Variants in PPP5C observed in about 807,000 individuals in gnomAD.
PPP5C encodes the protein protein phosphatase 5 catalytic subunit.
In PPP5C, 21 loss-of-function variants were observed where a neutral mutation model predicts 66.7. That is an observed-to-expected ratio of 0.31 (90% CI 0.22 to 0.45). PPP5C has a LOEUF of 0.45. PPP5C is among the 20% of genes least tolerant of loss of function. PPP5C has a pLI of 1.00. For synonymous variants in PPP5C, 246 were observed against 257.4 expected (o/e 0.96, Z 0.43); for missense variants, 464 against 675.9 (o/e 0.69, Z 3.48).
chr19:46,389,640 G>A (rs1262635401), intron 11 of PPP5C, among the ~76,000 whole-genome samples: 1 of 151,978 alleles, frequency 6.6e-6, no homozygotes, highest in Non-Finnish European at 1.5e-5. Context: ...TTGAAGAATA[G>A]GTTGCTGCCT....
In PPP5C at chr19:46,390,764, T is replaced by C. The variant is rs1378338226; in HGVS notation, c.*418T>C. The C allele has an allele frequency of 1.2e-5, 14 of 1,132,660 alleles. No homozygotes were observed. Among genetic ancestry groups the C allele is most frequent in the Non-Finnish European group, 1.5e-5 (14 of 912,880 alleles). The allele number at this position is 1,132,660 out of a possible 1,614,324, so 70.2% of individuals were successfully genotyped here. A position where few individuals can be genotyped will look rare whatever the true frequency, so the allele number is the denominator to read the frequency against. On this transcript the variant is annotated 3_prime_UTR_variant, in exon 13 of 13. Coordinates refer to ENST00000012443, the MANE Select transcript of PPP5C (RefSeq NM_006247.4). ...CTGCGCCTCCCCTCCTATAGCCCCA[T>C]GGTGGGGCTAGGCTGGGGCTCACCC...
In PPP5C at chr19:46,387,071, CTT is replaced by C; in HGVS notation, c.905-21_905-20del. ...GATGTACCTGGAGGCTGAGCTTTCT[CTT>C]CTGTCCCCGTGTTGGCCAGGCAACC... On this transcript the variant is annotated intron_variant, in intron 7 of 12. Coordinates refer to ENST00000012443, the MANE Select transcript of PPP5C (RefSeq NM_006247.4). 1 of 1,614,158 alleles carries C rather than the reference CTT, an allele frequency of 6.2e-7. No individual in the cohort carries two copies. The highest frequency in any genetic ancestry group is 1.1e-5 in the South Asian group (1 of 91,044).
At chr19:46,381,929 G>C (rs988835932) in intron 4 of PPP5C, 3 of 152,138 alleles carry the variant, frequency 2.0e-5, no homozygotes, top group Non-Finnish European at 1.5e-5. Context: ...TGGGATCTTA[G>C]CCCTGGCAGA....
chr19:46,390,152 C>A lies in PPP5C; in HGVS notation c.1437+20C>A. ...GCAGTGGTGAGTCACCCCTCAGGGCCCCTGCCCCTTCCATCCCGGCCTGGG... is the reference window on the plus strand; with the variant it reads ...GCAGTGGTGAGTCACCCCTCAGGGCACCTGCCCCTTCCATCCCGGCCTGGG... On this transcript the variant is annotated intron_variant, in intron 12 of 12. Transcript: ENST00000012443. 1 of 1,613,112 alleles carries A rather than the reference C, an allele frequency of 6.2e-7. No individual in the cohort carries two copies. Among genetic ancestry groups the A allele is most frequent in the Non-Finnish European group, 8.5e-7 (1 of 1,179,046 alleles).
intron 7 of PPP5C, chr19:46,386,763 C>G (rs1972895490): frequency 2.9e-6 from 1 of 350,382 alleles, no homozygotes; most frequent in Non-Finnish European, 5.5e-6. Context: ...TAGGCACGCA[C>G]CACCATGCCC....
chr19:46,386,632 C>G (rs1013075970), intron 7 of PPP5C: 1 of 173,080 alleles, frequency 5.8e-6, no homozygotes, highest in African/African-American at 2.4e-5. Flanking sequence ...GGTTTTGAGA[C>G]GGTCTTGCTT....
intron 4 of PPP5C, among the ~76,000 whole-genome samples, chr19:46,378,153 C>T (rs923948071): frequency 6.6e-5 from 10 of 152,168 alleles, no homozygotes; most frequent in African/African-American, 1.9e-4. Context: ...AATTTCCTTC[C>T]AGGCAGTAAG....
chr19:46,372,932 T>C (rs1048252103), intron 2 of PPP5C, among the ~76,000 whole-genome samples: 1 of 152,254 alleles, frequency 6.6e-6, no homozygotes, highest in Non-Finnish European at 1.5e-5. Context: ...GCATCTTCAC[T>C]GTCCCAGCTA....
At chr19:46,384,764 C>CGGCGGG in intron 6 of PPP5C, 40 bp from the exon 7 acceptor site, 1 of 1,192,370 alleles carries the variant, frequency 8.4e-7, no homozygotes, top group Non-Finnish European at 1.3e-6. Context: ...GCACCGCACC[C>CGGCGGG]TTCCCCTCCA....
At chr19:46,360,596 G>A (rs529474696) in intron 2 of PPP5C, among the ~76,000 whole-genome samples, 1 of 152,052 alleles carries the variant, frequency 6.6e-6, no homozygotes, top group African/African-American at 2.4e-5. Context: ...GGCCTCCTGG[G>A]CTCAATTGAT....
intron 4 of PPP5C, among the ~76,000 whole-genome samples, chr19:46,377,072 A>G (rs966905085): frequency 3.0e-4 from 46 of 152,174 alleles, no homozygotes; most frequent in African/African-American, 9.9e-4. Context: ...TCAGGGCTAC[A>G]GGGACCTTAC....
intron 4 of PPP5C, chr19:46,382,447 C>T (rs77239096): frequency 0.078 from 11,868 of 152,270 alleles, 588 homozygotes; most frequent in South Asian, 0.15. Flanking sequence ...TACCTTCTGA[C>T]TAGAAGTGGA....
intron 4 of PPP5C, among the ~76,000 whole-genome samples, chr19:46,380,210 CT>C (rs1322887904): frequency 6.6e-6 from 1 of 151,992 alleles, no homozygotes; most frequent in Non-Finnish European, 1.5e-5. Context: ...ATCCCAGCTG[CT>C]CGAGAGGCTG....
At chr19:46,362,882 G>C (rs1457822141) in intron 2 of PPP5C, among the ~76,000 whole-genome samples, 1 of 150,632 alleles carries the variant, frequency 6.6e-6, no homozygotes, top group Non-Finnish European at 1.5e-5. Flanking sequence ...CCGCCGCCCA[G>C]GTTCATGCCA....
intron 2 of PPP5C, among the ~76,000 whole-genome samples, chr19:46,372,856 C>T (rs1379321084): frequency 6.6e-6 from 1 of 152,214 alleles, no homozygotes; most frequent in Non-Finnish European, 1.5e-5. Context: ...CCCGGTGGGC[C>T]TTCAGGAGCT....
intron 1 of PPP5C, among the ~76,000 whole-genome samples, chr19:46,349,816 G>T (rs116306123): frequency 6.6e-6 from 1 of 151,808 alleles, no homozygotes; most frequent in Non-Finnish European, 1.5e-5. Context: ...GGAAGTGAGA[G>T]TGGCTGCCTG....
intron 7 of PPP5C, 41 bp downstream of exon 7, chr19:46,384,950 C>A: frequency 6.9e-7 from 1 of 1,446,170 alleles, no homozygotes; most frequent in South Asian, 1.1e-5. Context: ...ATTGTGGGGT[C>A]CTGAGTGGGG....
intron 11 of PPP5C, among the ~76,000 whole-genome samples, chr19:46,389,366 C>A (rs866796357): frequency 0.21 from 379 of 1,798 alleles, 8 homozygotes; most frequent in African/African-American, 0.3. Context: ...TCTCAAAACA[C>A]ACACACACAC....
At chr19:46,370,513 G>A (rs1011653940) in intron 2 of PPP5C, among the ~76,000 whole-genome samples, 2 of 152,172 alleles carry the variant, frequency 1.3e-5, no homozygotes, top group Non-Finnish European at 2.9e-5. Flanking sequence ...CCTGCGTGAG[G>A]CCCTTGAGAA....
Sources: allele counts gnomAD v4.1 joint callset (sites outside exome capture counted in the v4.1 genomes callset), GRCh38; gene constraint gnomAD v4.1.1; transcripts MANE v1.5; gene names NCBI Gene and HGNC (gene_info 2026-07-23, HGNC 2026-07-21).